DPP3: variants seen among roughly 807,000 people sequenced by gnomAD.
DPP3 encodes dipeptidyl peptidase 3.
A neutral mutation model predicts 89.8 loss-of-function variants in DPP3; 64 were observed. The observed-to-expected ratio is 0.71, with a 90% confidence interval of 0.58 to 0.88. The LOEUF (loss-of-function observed/expected upper bound fraction) is 0.88. Ranked by LOEUF, DPP3 falls within the 40% of genes least tolerant of loss-of-function variation. The probability of loss-of-function intolerance (pLI) is 0.00; values close to 1 mark genes in which losing one functional copy is unlikely to be tolerated. For missense variants in DPP3, 835 were observed against 972.5 expected, an observed-to-expected ratio of 0.86 and a Z score of 1.88; for synonymous variants, 377 against 404.3, an observed-to-expected ratio of 0.93 and a Z score of 0.81.
At chr11:66,505,746 A>G (rs1639127394) in intron 17 of DPP3, among the ~76,000 whole-genome samples, 1 of 148,666 alleles carries the variant, frequency 6.7e-6, no homozygotes, top group South Asian at 2.2e-4. Context: ...TACTTGAAAG[A>G]GTGAGGTAGG....
chr11:66,493,517 G>A (rs376082188), intron 11 of DPP3, 24 bp from the exon 12 acceptor site: 58 of 1,610,934 alleles, frequency 3.6e-5, no homozygotes, highest in African/African-American at 2.3e-4. Flanking sequence ...AGTGGACAGC[G>A]CGGGTCTCTG....
At chr11:66,488,161 A>G (rs1442267503) in intron 6 of DPP3, among the ~76,000 whole-genome samples, 154 bp downstream of exon 6, 1 of 152,174 alleles carries the variant, frequency 6.6e-6, no homozygotes, top group Non-Finnish European at 1.5e-5. Flanking sequence ...TAGTTTCTCT[A>G]AATCAGTCCC....
At chr11:66,497,200 A>G in intron 15 of DPP3, 98 bp from the exon 16 acceptor site, 1 of 1,471,470 alleles carries the variant, frequency 6.8e-7, no homozygotes, top group Non-Finnish European at 9.1e-7. Context: ...AACTGGGACC[A>G]AGGACCAAGC....
intron 15 of DPP3, among the ~76,000 whole-genome samples, chr11:66,496,431 T>G (rs1855538369): frequency 6.6e-6 from 1 of 151,484 alleles, no homozygotes; most frequent in South Asian, 2.1e-4. Context: ...TTTTTTTCTT[T>G]TGAGACAGAG....
intron 16 of DPP3, among the ~76,000 whole-genome samples, chr11:66,500,955 G>C (rs546323839): frequency 6.6e-6 from 1 of 151,912 alleles, no homozygotes; most frequent in East Asian, 1.9e-4. Context: ...TTGGGAGGCC[G>C]AGGCAGGCAG....
In DPP3 at chr11:66,497,388, G is replaced by A. The variant is rs141613350; in HGVS notation, c.1789G>A (p.Gly597Arg). 136 of 1,614,000 alleles carry A rather than the reference G, an allele frequency of 8.4e-5. No individual in the cohort carries two copies. The African/African-American group carries it at 1.5e-3, about 18-fold the overall frequency. The change falls in exon 16 of 18, where the codon GGG becomes AGG. Residue 597 changes from glycine to arginine, a missense_variant. Coordinates refer to ENST00000531863, the MANE Select transcript of DPP3 (RefSeq NM_130443.4). ...VTITPTTGSD[G>R]RPDARVRLDR... ...CATCACTCCCACCACAGGCTCCGATGGGCGCCCAGATGCCCGGGTCCGCCT... is the reference window on the plus strand; with the variant it reads ...CATCACTCCCACCACAGGCTCCGATAGGCGCCCAGATGCCCGGGTCCGCCT...
Position 66,493,574 on chromosome 11 carries a change from G to A in DPP3, c.1330G>A (p.Asp444Asn). ...LYILWKGPSF[D>N]VQVGLHELLG... ...CATCCTCTGGAAGGGGCCCTCCTTC[G>A]ATGTGCAGGTGGGCCTGCACGAGCT... The change falls in exon 12 of 18, where the codon GAT (aspartate) becomes AAT (asparagine). Residue 444 changes from aspartate (D) to asparagine (N), a missense_variant. By Grantham distance (23) the Asp-to-Asn change is conservative (BLOSUM62 1). Transcript: ENST00000531863. 6 of 1,613,170 alleles carry A rather than the reference G, an allele frequency of 3.7e-6. No homozygotes were observed. Among genetic ancestry groups the A allele is most frequent in the Admixed American group, 1.7e-5 (1 of 60,006 alleles).
rs751960152 is a variant in DPP3 at position 66,491,632 on chromosome 11, G to T, written c.929+8G>T. On this transcript the variant is annotated splice_region_variant and intron_variant, in intron 8 of 17. Transcript: ENST00000531863. The stretch of plus-strand genomic sequence containing the variant: ...AGGCCCCATCGTGGAGAGGTGAGGC[G>T]CCAGCTCCACCCCACCTGCCCCCTC... 3.1e-6 allele frequency: 5 copies of T among 1,611,520 alleles called. No homozygotes were observed. Among genetic ancestry groups the T allele is most frequent in the Non-Finnish European group, 4.2e-6 (5 of 1,178,076 alleles).
At position 66,498,992 on chromosome 11, in the gene DPP3, C is replaced by T. The variant is rs140606242; in HGVS notation, c.1878+1515C>T. 2.3e-3 allele frequency among the ~76,000 whole-genome samples: 344 copies of T among 151,696 alleles called. 2 individuals carry two copies. The highest frequency in any genetic ancestry group is 3.7e-3 in the Admixed American group (57 of 15,204). On this transcript the variant is annotated intron_variant, in intron 16 of 17. Coordinates refer to ENST00000531863, the MANE Select transcript of DPP3 (RefSeq NM_130443.4). The stretch of plus-strand genomic sequence containing the variant: ...CACCACTGCACTCTAGCCTGGGTGA[C>T]AGAACTAGATTCTGTCTCTAAAAGA...
chr11:66,497,423 C>A lies in DPP3; in HGVS notation c.1824C>A (p.Ser608Arg), dbSNP rs772957939. 6.2e-7 allele frequency: 1 copy of A among 1,614,040 alleles called. No individual in the cohort carries two copies. Among genetic ancestry groups the A allele is most frequent in the African/African-American group, 1.3e-5 (1 of 75,076 alleles). The change falls in exon 16 of 18, where the codon AGC becomes AGA. Residue 608 changes from serine to arginine, a missense_variant. Coordinates refer to ENST00000531863, the MANE Select transcript of DPP3 (RefSeq NM_130443.4). ...ATGCCCGGGTCCGCCTCGACCGCAG[C>A]AAGATCCGGTCTGTGGGCAAGCCTG... ...RPDARVRLDRSKIRSVGKPAL... is the reference protein window; with the variant it reads ...RPDARVRLDRRKIRSVGKPAL...
chr11:66,499,809 A>G (rs1194339227), intron 16 of DPP3, among the ~76,000 whole-genome samples: 2 of 151,916 alleles, frequency 1.3e-5, no homozygotes, highest in Non-Finnish European at 2.9e-5. Context: ...GAGAGGCTAT[A>G]TTCACCTTTT....
intron 3 of DPP3, among the ~76,000 whole-genome samples, chr11:66,486,005 G>A (rs561366250): frequency 4.0e-5 from 6 of 151,870 alleles, no homozygotes; most frequent in East Asian, 1.9e-4. Flanking sequence ...GTAGTGGCAC[G>A]GACACAGCTC....
At position 66,493,116 on chromosome 11, in the gene DPP3, T is replaced by A. The variant is rs780640889; in HGVS notation, c.1233T>A (p.Asn411Lys). 1 of 1,614,036 alleles carries A rather than the reference T, an allele frequency of 6.2e-7. No individual in the cohort carries two copies. Among genetic ancestry groups the A allele is most frequent in the East Asian group, 2.2e-5 (1 of 44,902 alleles). The change falls in exon 11 of 18, where the codon AAT becomes AAA. Residue 411 changes from asparagine to lysine, a missense_variant. By Grantham distance (94) the Asn-to-Lys change is moderately conservative. Transcript: ENST00000531863. ...GCTTTAAGAACGTGTCGCTGGGGAA[T>A]GTGCTGGCTGTGGCCTACGCCACGC... ...TEGFKNVSLG[N>K]VLAVAYATQR...
intron 10 of DPP3, 58 bp downstream of exon 10, chr11:66,492,968 C>G: frequency 1.3e-6 from 2 of 1,599,292 alleles, no homozygotes; most frequent in Non-Finnish European, 1.7e-6. Flanking sequence ...AGTCGCCCCT[C>G]CCTGTCCACA....
chr11:66,499,954 C>T (rs1194997350), intron 16 of DPP3, among the ~76,000 whole-genome samples: 1 of 151,970 alleles, frequency 6.6e-6, no homozygotes, highest in Non-Finnish European at 1.5e-5. Flanking sequence ...ATATAGTGCC[C>T]TGTACTGTCC....
At chr11:66,495,115 T>G in intron 12 of DPP3, 91 bp from the exon 13 acceptor site, 3 of 1,601,410 alleles carry the variant, frequency 1.9e-6, no homozygotes, top group Non-Finnish European at 2.6e-6. Flanking sequence ...CCGCTTGCCT[T>G]CCTGAGCCAC....
chr11:66,507,237 G>A (rs1855824372), intron 17 of DPP3, among the ~76,000 whole-genome samples: 1 of 152,028 alleles, frequency 6.6e-6, no homozygotes, highest in South Asian at 2.1e-4. Flanking sequence ...GGAGGCTGAG[G>A]CAGGTGGATC....
chr11:66,480,868 G>C lies in DPP3; in HGVS notation c.-9+403G>C, dbSNP rs116222549. ...GGCTTTCTTCTGGTTGTGAACTTCTGTGGCTTCCCTGGTGGAGCACAGGGA... is the reference window on the plus strand; with the variant it reads ...GGCTTTCTTCTGGTTGTGAACTTCTCTGGCTTCCCTGGTGGAGCACAGGGA... On this transcript the variant is annotated intron_variant, in intron 1 of 17. Transcript: ENST00000531863. 1,061 of 176,580 alleles carry C rather than the reference G, an allele frequency of 6.0e-3. 17 individuals carry two copies. The highest frequency in any genetic ancestry group is 0.022 in the African/African-American group (952 of 42,452). 10.9% of individuals were successfully genotyped at this position (176,580 alleles called of 1,614,324 possible).
Position 66,509,490 on chromosome 11 carries a change from G to A in DPP3, c.*239G>A, listed in dbSNP as rs1855893233. 1.5e-6 allele frequency: 2 copies of A among 1,333,658 alleles called. No homozygotes were observed. Among genetic ancestry groups the A allele is most frequent in the African/African-American group, 1.5e-5 (1 of 68,920 alleles). The allele number at this position is 1,333,658 out of a possible 1,614,324, so 82.6% of individuals were successfully genotyped here. On this transcript the variant is annotated 3_prime_UTR_variant, in exon 18 of 18. Coordinates refer to ENST00000531863, the MANE Select transcript of DPP3 (RefSeq NM_130443.4). ...CCATACGTGGAGTGAGCAAGACAGG[G>A]CTTACCATCCTGTCTACCAGATGAG...
Sources: gnomAD v4.1 joint callset for allele counts (sites outside exome capture counted in the v4.1 genomes callset) on GRCh38, gnomAD v4.1.1 for gene constraint, MANE v1.5 for transcripts, NCBI Gene and HGNC (gene_info 2026-07-23, HGNC 2026-07-21) for gene names.